The following GALNT13 variants were observed in gnomAD, a reference collection of about 807,000 sequenced individuals.
The protein encoded by GALNT13 is UDP-GalNAc:polypeptide N-acetylgalactosaminyltransferase 13.
Under a neutral mutation model 64.2 loss-of-function variants are expected in GALNT13, and 28 were observed. The observed-to-expected ratio is 0.44, with a 90% CI of 0.32 to 0.60. GALNT13 has a LOEUF of 0.60. Ranked by LOEUF, GALNT13 falls within the 20% of genes least tolerant of loss-of-function variation. The pLI, the probability that GALNT13 is intolerant of heterozygous loss-of-function variation, is 0.05. For synonymous variants in GALNT13, 214 were observed against 224.6 expected, an observed-to-expected ratio of 0.95 and a Z score of 0.42; for missense variants, 577 against 669.8, an observed-to-expected ratio of 0.86 and a Z score of 1.53.
At chr2:153,166,647 G>GTGTGTGTGTGTGTGTT in the GALNT13 span, among the ~76,000 whole-genome samples, 3 of 151,394 alleles carry the variant, frequency 2.0e-5, no homozygotes, top group Admixed American at 6.6e-5. Context: ...GTGTGTGTGT[G>GTGTGTGTGTGTGTGTT]TGTGTGTGTG....
chr2:153,798,431 T>A, the GALNT13 span, among the ~76,000 whole-genome samples: 2 of 152,188 alleles, frequency 1.3e-5, no homozygotes, highest in Non-Finnish European at 2.9e-5. Context: ...TATGTTCATG[T>A]TTGCATCACT....
At chr2:154,325,795 T>C (rs886621195) in intron 9 of GALNT13, among the ~76,000 whole-genome samples, 1 of 152,144 alleles carries the variant, frequency 6.6e-6, no homozygotes, top group Admixed American at 6.6e-5. Flanking sequence ...TATTTCATTT[T>C]TTAATTTTAC....
chr2:153,199,999 T>G, the GALNT13 span, among the ~76,000 whole-genome samples: 1 of 152,170 alleles, frequency 6.6e-6, no homozygotes, highest in Non-Finnish European at 1.5e-5. Flanking sequence ...GAGTCTTATA[T>G]TTTTAGTAAA....
the GALNT13 span, among the ~76,000 whole-genome samples, chr2:153,076,688 ATCATTTTCC>A: frequency 0.055 from 8,345 of 151,982 alleles, 409 homozygotes; most frequent in African/African-American, 0.14. Context: ...TTAAATGTTC[ATCATTTTCC>A]TCATTGATTT....
At chr2:153,208,719 A>G in the GALNT13 span, among the ~76,000 whole-genome samples, 1 of 152,126 alleles carries the variant, frequency 6.6e-6, no homozygotes, top group African/African-American at 2.4e-5. Flanking sequence ...TTGATAGGTA[A>G]TTATCAAACT....
chr2:154,014,685 T>C, intron 3 of GALNT13, among the ~76,000 whole-genome samples: 1 of 135,588 alleles, frequency 7.4e-6, no homozygotes, highest in East Asian at 2.4e-4. Context: ...CAGGCTGGAG[T>C]GCAGTGGCGC....
At chr2:153,376,977 T>C in the GALNT13 span, among the ~76,000 whole-genome samples, 1 of 152,178 alleles carries the variant, frequency 6.6e-6, no homozygotes, top group Non-Finnish European at 1.5e-5. Context: ...TTGTATTCCC[T>C]TCAAATTCAT....
At chr2:153,079,564 AT>A in the GALNT13 span, among the ~76,000 whole-genome samples, 1 of 152,158 alleles carries the variant, frequency 6.6e-6, no homozygotes, top group African/African-American at 2.4e-5. Context: ...GTGTTTTATG[AT>A]TAGAGTTAGT....
At chr2:153,135,207 A>G in the GALNT13 span, among the ~76,000 whole-genome samples, 1 of 152,228 alleles carries the variant, frequency 6.6e-6, no homozygotes, top group East Asian at 1.9e-4. Flanking sequence ...TTCTTCTTTC[A>G]TATAAGGCTA....
At chr2:154,268,752 G>A (rs1049147735) in intron 8 of GALNT13, among the ~76,000 whole-genome samples, 15 of 152,110 alleles carry the variant, frequency 9.9e-5, no homozygotes, top group Admixed American at 9.8e-4. Context: ...ATATATCATA[G>A]TCCAGTTACT....
intron 8 of GALNT13, among the ~76,000 whole-genome samples, chr2:154,271,147 A>T (rs554222216): frequency 1.3e-5 from 2 of 152,064 alleles, no homozygotes; most frequent in East Asian, 3.9e-4. Flanking sequence ...TTTGGTTCAC[A>T]GGGTTGCTTG....
At chr2:153,513,115 T>G in the GALNT13 span, among the ~76,000 whole-genome samples, 1 of 152,232 alleles carries the variant, frequency 6.6e-6, no homozygotes, top group Non-Finnish European at 1.5e-5. Context: ...GTACATATGA[T>G]AGAAATAAAT....
chr2:154,440,941 T>C (rs707069), intron 12 of GALNT13, among the ~76,000 whole-genome samples: 16,144 of 152,168 alleles, frequency 0.11, 1,151 homozygotes, highest in East Asian at 0.25. Flanking sequence ...TTTTCAGTTT[T>C]ACATTTAGGG....
At chr2:153,847,672 GTT>G in the GALNT13 span, among the ~76,000 whole-genome samples, 1 of 152,086 alleles carries the variant, frequency 6.6e-6, no homozygotes, top group Non-Finnish European at 1.5e-5. Context: ...AATATTTTGA[GTT>G]AAGTGGTAAT....
At chr2:153,129,093 A>G in the GALNT13 span, among the ~76,000 whole-genome samples, 2 of 152,154 alleles carry the variant, frequency 1.3e-5, no homozygotes, top group Non-Finnish European at 2.9e-5. Context: ...ATCCACGAAT[A>G]CTGGCTTTGA....
chr2:153,080,719 T>G, the GALNT13 span, among the ~76,000 whole-genome samples: 1 of 152,130 alleles, frequency 6.6e-6, no homozygotes, highest in Non-Finnish European at 1.5e-5. Flanking sequence ...GTGTGTTAAA[T>G]TCTTCTAAAA....
At chr2:153,973,101 G>A (rs1037445236) in intron 3 of GALNT13, among the ~76,000 whole-genome samples, 1 of 151,848 alleles carries the variant, frequency 6.6e-6, no homozygotes. Context: ...GGGGTTAGTC[G>A]TTCATAGCCC....
chr2:154,107,837 T>TATG (rs1316107847), intron 3 of GALNT13, among the ~76,000 whole-genome samples: 1 of 152,102 alleles, frequency 6.6e-6, no homozygotes, highest in Non-Finnish European at 1.5e-5. Context: ...ATAGATTCCA[T>TATG]ATGTTAGAGA....
the GALNT13 span, among the ~76,000 whole-genome samples, chr2:153,607,668 G>A: frequency 1.3e-5 from 2 of 151,922 alleles, no homozygotes; most frequent in Admixed American, 1.3e-4. Flanking sequence ...TGAAGACAGA[G>A]GCTAAATTGA....
Sources: allele counts gnomAD v4.1 joint callset (sites outside exome capture counted in the v4.1 genomes callset), GRCh38; gene constraint gnomAD v4.1.1; transcripts MANE v1.5; gene names NCBI Gene and HGNC (gene_info 2026-07-23, HGNC 2026-07-21).